GMFG: variants seen among roughly 807,000 people sequenced by gnomAD.
GMFG encodes the protein glia maturation factor gamma.
A neutral mutation model predicts 26.1 loss-of-function variants in GMFG; 21 were observed. The observed-to-expected ratio is 0.80, with a 90% CI of 0.57 to 1.16. The LOEUF (loss-of-function observed/expected upper bound fraction) is 1.16. Among genes scored for constraint, GMFG ranks in the 50% most tolerant of loss-of-function variants. GMFG has a pLI of 0.00. For missense variants in GMFG, 161 were observed against 178.3 expected, an observed-to-expected ratio of 0.90 and a Z score of 0.55; for synonymous variants, 65 against 60.8, an observed-to-expected ratio of 1.07 and a Z score of -0.32.
Position 39,335,321 on chromosome 19 carries a change from G to T in GMFG, c.101-11C>A. 6 of 1,582,226 alleles carry T rather than the reference G, an allele frequency of 3.8e-6. No homozygotes were observed. Among genetic ancestry groups the T allele is most frequent in the Non-Finnish European group, 5.2e-6 (6 of 1,161,792 alleles). ...CTTTGTCCACCTTCACTGGGGAGGG[G>T]TGGCACACAGGGATTAGACACTCCC... On this transcript the variant is annotated splice_polypyrimidine_tract_variant and intron_variant, in intron 2 of 6. Transcript: ENST00000597595.
chr19:39,329,246 A>G (rs1026547281), intron 5 of GMFG, among the ~76,000 whole-genome samples, 173 bp from the exon 6 acceptor site: 13 of 152,084 alleles, frequency 8.5e-5, no homozygotes, highest in African/African-American at 2.9e-4. Context: ...AGTTATTCTG[A>G]GGGTCTCTGG....
rs1346351175 is a variant in GMFG at position 39,328,386 on chromosome 19, T to G, written c.*91A>C. The stretch of plus-strand genomic sequence containing the variant: ...CGAGTTTTTGCATTTTAAAATTTAT[T>G]TAAAGTCTTGGTTGTTCAGGTCCTA... On this transcript the variant is annotated 3_prime_UTR_variant, in exon 7 of 7. Coordinates refer to ENST00000597595, the MANE Select transcript of GMFG (RefSeq NM_004877.4). 2 of 839,090 alleles carry G rather than the reference T, an allele frequency of 2.4e-6. No homozygotes were observed. Among genetic ancestry groups the G allele is most frequent in the Non-Finnish European group, 4.1e-6 (2 of 491,288 alleles). 52.0% of individuals were successfully genotyped at this position (839,090 alleles called of 1,614,324 possible). A position where few individuals can be genotyped will look rare whatever the true frequency, so the allele number is the denominator to read the frequency against.
intron 4 of GMFG, among the ~76,000 whole-genome samples, chr19:39,331,744 T>C (rs1360097334): frequency 6.6e-6 from 1 of 152,034 alleles, no homozygotes; most frequent in Non-Finnish European, 1.5e-5. Context: ...CACTGCCCAA[T>C]AGCCTGGGTG....
At position 39,333,140 on chromosome 19, in the gene GMFG, A is replaced by G; in HGVS notation, c.151-14T>C. 1.3e-6 allele frequency: 2 copies of G among 1,581,508 alleles called. No homozygotes were observed. The highest frequency in any genetic ancestry group is 1.7e-6 in the Non-Finnish European group (2 of 1,157,128). ...TGGGGAAATGTTCTGAGGCAAGAAA[A>G]CAGAAGAAAAGACAAAGAATGAGGC... On this transcript the variant is annotated splice_polypyrimidine_tract_variant and intron_variant, in intron 3 of 6. Transcript: ENST00000597595.
chr19:39,331,801 T>C (rs967305269), intron 4 of GMFG, among the ~76,000 whole-genome samples: 1 of 152,098 alleles, frequency 6.6e-6, no homozygotes, highest in Non-Finnish European at 1.5e-5. Flanking sequence ...AAAATAACAA[T>C]AATAATAATT....
chr19:39,330,906 TA>T (rs1298630011), intron 4 of GMFG, among the ~76,000 whole-genome samples: 3 of 151,934 alleles, frequency 2.0e-5, no homozygotes, highest in Non-Finnish European at 4.4e-5. Context: ...GGCCTTTTTT[TA>T]AAAAATTTTA....
Position 39,333,067 on chromosome 19 carries a change from C to T in GMFG, c.200+10G>A, listed in dbSNP as rs765625547. The T allele has an allele frequency of 1.9e-6, 3 of 1,593,302 alleles. No individual in the cohort carries two copies. Among genetic ancestry groups the T allele is most frequent in the Admixed American group, 1.7e-5 (1 of 59,608 alleles). On this transcript the variant is annotated intron_variant, in intron 4 of 6. Coordinates refer to ENST00000597595, the MANE Select transcript of GMFG (RefSeq NM_004877.4). ...ATGGCCTGATCCAACCCTTTCTTCC[C>T]CCAGGATACCTGGGCTGTCTCTCCG...
At chr19:39,335,361 G>T in intron 2 of GMFG, 51 bp from the exon 3 acceptor site, 1 of 1,593,762 alleles carries the variant, frequency 6.3e-7, no homozygotes, top group South Asian at 1.1e-5. Flanking sequence ...ATCCATGGGG[G>T]ACACAAGCCC....
chr19:39,334,906 G>A (rs1179505638), intron 3 of GMFG, among the ~76,000 whole-genome samples: 1 of 152,080 alleles, frequency 6.6e-6, no homozygotes, highest in East Asian at 1.9e-4. Context: ...CTGAAGTGTA[G>A]TGGCACAATC....
chr19:39,329,590 A>G lies in GMFG; in HGVS notation c.237T>C (p.Asp79=). The G allele has an allele frequency of 1.2e-6, 2 of 1,611,892 alleles. No individual in the cohort carries two copies. Among genetic ancestry groups the G allele is most frequent in the Admixed American group, 1.7e-5 (1 of 59,994 alleles). The change falls in exon 5 of 7, where the codon GAT becomes GAC. Residue 79 remains aspartate, a synonymous_variant. Transcript: ENST00000597595. ...VVYSYKYVHD[D]GRVSYPLCFI... is the part of the protein sequence containing the mutation. ...AACACAAAGGGTAGGACACTCGGCC[A>G]TCGTCATGCACGTACTTGTAGCTGT...
rs779631043 is a variant in GMFG at position 39,329,675 on chromosome 19, C to T, written c.201-49G>A. On this transcript the variant is annotated intron_variant, in intron 4 of 6. Coordinates refer to ENST00000597595, the MANE Select transcript of GMFG (RefSeq NM_004877.4). ...TCAGGACTCTGGCCTGCAGCCCAGG[C>T]TTAACAGCCATTACCTGAGTCCACA... The T allele has an allele frequency of 3.0e-5, 35 of 1,174,320 alleles. 1 individual carries two copies. In the South Asian group the frequency reaches 4.1e-4, roughly 14 times the overall value. 72.7% of individuals were successfully genotyped at this position (1,174,320 alleles called of 1,614,324 possible). A position where few individuals can be genotyped will look rare whatever the true frequency, so the allele number is the denominator to read the frequency against.
intron 4 of GMFG, among the ~76,000 whole-genome samples, chr19:39,331,873 T>G (rs1210698672): frequency 6.6e-6 from 1 of 152,028 alleles, no homozygotes; most frequent in African/African-American, 2.4e-5. Flanking sequence ...TCTTTTTTTG[T>G]TTTTTTGAGA....
At chr19:39,334,918 C>T (rs376426661) in intron 3 of GMFG, among the ~76,000 whole-genome samples, 11 of 152,028 alleles carry the variant, frequency 7.2e-5, no homozygotes, top group Admixed American at 2.0e-4. Flanking sequence ...GGCACAATCT[C>T]GGCTCACTAC....
At chr19:39,334,670 C>T (rs754540968) in intron 3 of GMFG, among the ~76,000 whole-genome samples, 9 of 152,098 alleles carry the variant, frequency 5.9e-5, no homozygotes, top group Non-Finnish European at 1.0e-4. Context: ...ATACTAAGTG[C>T]CAGGCCTTGT....
In GMFG at chr19:39,329,592, CG is replaced by C. The variant is rs2075218265; in HGVS notation, c.234del (p.Asp78GlufsTer25). The C allele has an allele frequency of 6.2e-7, 1 of 1,611,356 alleles. No homozygotes were observed. The highest frequency in any genetic ancestry group is 1.3e-5 in the African/African-American group (1 of 74,866). ...CACAAAGGGTAGGACACTCGGCCAT[CG>C]TCATGCACGTACTTGTAGCTGTAAA... is the stretch of plus-strand genomic sequence containing the variant. ...FVVYSYKYVHDDGRVSYPLCF... is the reference protein window; with the variant it reads ...FVVYSYKYVHXDGRVSYPLCF... On this transcript the variant is annotated frameshift_variant, in exon 5 of 7. Coordinates refer to ENST00000597595, the MANE Select transcript of GMFG (RefSeq NM_004877.4). LOFTEE classifies it high-confidence loss of function.
intron 1 of GMFG, 96 bp from the exon 2 acceptor site, chr19:39,335,627 C>G: frequency 1.2e-6 from 1 of 865,108 alleles, no homozygotes; most frequent in Non-Finnish European, 2.0e-6. Flanking sequence ...AGAGGAGCAT[C>G]GCGCCGGCCC....
Position 39,334,224 on chromosome 19 carries a change from G to A in GMFG, c.150+1037C>T, listed in dbSNP as rs554518732. On this transcript the variant is annotated intron_variant, in intron 3 of 6. Transcript: ENST00000597595. Reference sequence around the variant, plus strand: ...GTAGAGACGGGGTTTCACCATGTTAGCCAGGATGGTCTCGATCTCCTGACC... The same window carrying A: ...GTAGAGACGGGGTTTCACCATGTTAACCAGGATGGTCTCGATCTCCTGACC... 3.8e-3 allele frequency among the ~76,000 whole-genome samples: 580 copies of A among 152,052 alleles called. 5 individuals are homozygous for A. Among genetic ancestry groups the A allele is most frequent in the African/African-American group, 0.013 (544 of 41,490 alleles).
At chr19:39,332,081 G>C (rs998748461) in intron 4 of GMFG, among the ~76,000 whole-genome samples, 6 of 151,306 alleles carry the variant, frequency 4.0e-5, no homozygotes, top group African/African-American at 1.5e-4. Flanking sequence ...GGTGGCTCAC[G>C]CCTGTAATCC....
At chr19:39,335,602 T>A (rs1443573843) in intron 1 of GMFG, 71 bp from the exon 2 acceptor site, 1 of 1,013,332 alleles carries the variant, frequency 9.9e-7, no homozygotes, top group Admixed American at 1.7e-5. Context: ...AACCTGTTTC[T>A]CCATCCACTA....
Sources: allele counts gnomAD v4.1 joint callset (sites outside exome capture counted in the v4.1 genomes callset), GRCh38; gene constraint gnomAD v4.1.1; transcripts MANE v1.5; gene names NCBI Gene and HGNC (gene_info 2026-07-23, HGNC 2026-07-21).